Variants in ANKH observed in about 807,000 individuals in gnomAD.
ANKH encodes mineralization regulator ANKH.
ANKH carries 15 observed loss-of-function variants against 49.0 expected under a neutral mutation model. The ratio of observed to expected loss-of-function variants is 0.31; its 90% CI spans 0.20 to 0.47. The LOEUF (loss-of-function observed/expected upper bound fraction) is 0.47. Among genes scored for constraint, ANKH ranks in the 20% least tolerant of loss-of-function variants. ANKH has a pLI of 1.00. For synonymous variants in ANKH, 273 were observed against 260.0 expected (o/e 1.05, Z -0.48); for missense variants, 429 against 652.0 (o/e 0.66, Z 3.72).
chr5:14,731,057 C>T (rs1737983753), intron 8 of ANKH, among the ~76,000 whole-genome samples: 1 of 152,212 alleles, frequency 6.6e-6, no homozygotes, highest in Admixed American at 6.5e-5. Context: ...CGAGGGGACA[C>T]TGCTGCATGG....
At chr5:14,826,159 G>A (rs1741337362) in intron 1 of ANKH, 1 of 152,878 alleles carries the variant, frequency 6.5e-6, no homozygotes, top group East Asian at 1.9e-4. Context: ...TAAACCAAAG[G>A]ATAAAGTACA....
At chr5:14,718,925 G>C (rs1009422492) in intron 8 of ANKH, among the ~76,000 whole-genome samples, 1 of 151,014 alleles carries the variant, frequency 6.6e-6, no homozygotes, top group Non-Finnish European at 1.5e-5. Flanking sequence ...GCCTACCACA[G>C]AGACAGAGCA....
chr5:14,835,794 C>A (rs945495330), intron 1 of ANKH, among the ~76,000 whole-genome samples: 17 of 152,034 alleles, frequency 1.1e-4, no homozygotes, highest in African/African-American at 4.1e-4. Context: ...GATACCAAAG[C>A]CTGGCAGAGA....
chr5:14,788,904 G>A (rs1740065241), intron 1 of ANKH, among the ~76,000 whole-genome samples: 1 of 152,216 alleles, frequency 6.6e-6, no homozygotes, highest in Admixed American at 6.5e-5. Flanking sequence ...ATGCCTTAGT[G>A]CCACTTGGAT....
At chr5:14,800,817 C>G (rs184063783) in intron 1 of ANKH, among the ~76,000 whole-genome samples, 137 of 151,054 alleles carry the variant, frequency 9.1e-4, no homozygotes, top group African/African-American at 3.2e-3. Flanking sequence ...GCCTTGACCT[C>G]CTGGGCTCAA....
intron 1 of ANKH, among the ~76,000 whole-genome samples, chr5:14,847,461 A>G (rs1438882334): frequency 6.6e-6 from 1 of 152,234 alleles, no homozygotes; most frequent in African/African-American, 2.4e-5. Context: ...GACAAGGAGC[A>G]AGGTCCCAGG....
At chr5:14,867,750 G>A (rs979079620) in intron 1 of ANKH, among the ~76,000 whole-genome samples, 4 of 152,026 alleles carry the variant, frequency 2.6e-5, no homozygotes, top group African/African-American at 7.2e-5. Flanking sequence ...TAGTAGAGAC[G>A]GGGTTTCACC....
At position 14,710,098 on chromosome 5, in the gene ANKH, A is replaced by G. The variant is rs1737106998; in HGVS notation, c.*1099T>C. 1 of 152,210 alleles carries G rather than the reference A, an allele frequency of 6.6e-6. No individual in the cohort carries two copies. 9.4% of individuals were successfully genotyped at this position (152,210 alleles called of 1,614,324 possible). A position where few individuals can be genotyped will look rare whatever the true frequency, so the allele number is the denominator to read the frequency against. ...CACATAGTGACTCTGGTATCGTTAT[A>G]AAATGTCTTGCTTTATCGTATGGTG... On this transcript the variant is annotated 3_prime_UTR_variant, in exon 12 of 12. Coordinates refer to ENST00000284268, the MANE Select transcript of ANKH (RefSeq NM_054027.6).
intron 1 of ANKH, among the ~76,000 whole-genome samples, chr5:14,771,393 TG>T (rs1384673111): frequency 1.3e-5 from 2 of 152,200 alleles, no homozygotes; most frequent in Non-Finnish European, 2.9e-5. Flanking sequence ...CCAAGAATGC[TG>T]ACACAGCTGA....
At chr5:14,793,649 C>T (rs753903788) in intron 1 of ANKH, among the ~76,000 whole-genome samples, 2 of 152,232 alleles carry the variant, frequency 1.3e-5, no homozygotes, top group Non-Finnish European at 2.9e-5. Context: ...CTCAATGGTG[C>T]TGTTCTCGCC....
At chr5:14,786,848 A>C (rs1002797880) in intron 1 of ANKH, among the ~76,000 whole-genome samples, 2 of 152,210 alleles carry the variant, frequency 1.3e-5, no homozygotes, top group African/African-American at 4.8e-5. Context: ...CCCAGTACAT[A>C]ATGACATGTA....
chr5:14,856,142 G>A (rs1735238436), intron 1 of ANKH, among the ~76,000 whole-genome samples: 1 of 151,806 alleles, frequency 6.6e-6, no homozygotes, highest in Middle Eastern at 3.2e-3. Context: ...TAACATGGCA[G>A]AGCCCGATCT....
Position 14,871,734 on chromosome 5 carries a change from GGCGGCA to G in ANKH, c.-293_-288del. 6.3e-6 allele frequency: 1 copy of G among 158,090 alleles called. No individual in the cohort carries two copies. The allele number at this position is 158,090 out of a possible 1,614,324, so 9.8% of individuals were successfully genotyped here. ...GAGGAGGGACGGCGGCGGCGGCGGC[GGCGGCA>G]GAAGGTTCTGCTGACAGCGGCTCCA... On this transcript the variant is annotated 5_prime_UTR_variant, in exon 1 of 12. Transcript: ENST00000284268.
At chr5:14,866,409 A>T (rs1479628051) in intron 1 of ANKH, among the ~76,000 whole-genome samples, 1 of 152,210 alleles carries the variant, frequency 6.6e-6, no homozygotes, top group Non-Finnish European at 1.5e-5. Context: ...CAAGGTCTTC[A>T]CAGCAACGTT....
chr5:14,863,521 A>C (rs1016269236), intron 1 of ANKH, among the ~76,000 whole-genome samples: 1 of 152,256 alleles, frequency 6.6e-6, no homozygotes, highest in African/African-American at 2.4e-5. Flanking sequence ...AGTGACTTCC[A>C]CTTTGAAGTA....
At chr5:14,834,503 G>A (rs1363358715) in intron 1 of ANKH, among the ~76,000 whole-genome samples, 7 of 152,148 alleles carry the variant, frequency 4.6e-5, no homozygotes, top group South Asian at 4.1e-4. Context: ...AGATCTGGCC[G>A]GGCGCAGTGG....
At chr5:14,841,025 G>C (rs1430632847) in intron 1 of ANKH, among the ~76,000 whole-genome samples, 2 of 152,166 alleles carry the variant, frequency 1.3e-5, no homozygotes, top group South Asian at 4.1e-4. Flanking sequence ...ACACATGTCT[G>C]AAAGTTTTGA....
At chr5:14,836,104 G>C (rs930610535) in intron 1 of ANKH, among the ~76,000 whole-genome samples, 3 of 152,138 alleles carry the variant, frequency 2.0e-5, no homozygotes, top group Non-Finnish European at 4.4e-5. Context: ...ACTAGGTATT[G>C]ATGGGACGTA....
chr5:14,742,609 C>G (rs912901267), intron 7 of ANKH, among the ~76,000 whole-genome samples: 7 of 152,232 alleles, frequency 4.6e-5, no homozygotes, highest in African/African-American at 1.7e-4. Flanking sequence ...CCTGTAAAGC[C>G]TGATGACCCT....
Sources: allele counts gnomAD v4.1 joint callset (sites outside exome capture counted in the v4.1 genomes callset), GRCh38; gene constraint gnomAD v4.1.1; transcripts MANE v1.5; gene names NCBI Gene and HGNC (gene_info 2026-07-23, HGNC 2026-07-21).